TGFBI: variants seen among roughly 807,000 people sequenced by gnomAD.
TGFBI encodes transforming growth factor beta induced, also known as transforming growth factor-beta-induced protein ig-h3.
A neutral mutation model predicts 73.7 loss-of-function variants in TGFBI; 50 were observed. The ratio of observed to expected loss-of-function variants is 0.68; its 90% confidence interval spans 0.54 to 0.86. TGFBI has a LOEUF of 0.86. Among genes scored for constraint, TGFBI ranks in the 40% least tolerant of loss-of-function variants. TGFBI has a pLI of 0.00. For synonymous variants in TGFBI, 362 were observed against 360.5 expected (o/e 1.00, Z -0.05); for missense variants, 839 against 877.0 (o/e 0.96, Z 0.55).
chr5:136,029,224 G>A (rs1270157765), intron 1 of TGFBI, 35 bp downstream of exon 1: 4 of 1,439,034 alleles, frequency 2.8e-6, no homozygotes, highest in Non-Finnish European at 3.6e-6. Context: ...GCTGCGGAAG[G>A]TCAGGTAGTC....
intron 14 of TGFBI, 135 bp from the exon 15 acceptor site, chr5:136,061,365 A>G: frequency 1.4e-6 from 1 of 700,372 alleles, no homozygotes; most frequent in South Asian, 1.7e-5. Context: ...ACCATGAGTT[A>G]TGAAACATTA....
rs1171058909 is a variant in TGFBI at position 136,059,539 on chromosome 5, T to C, written c.1803+325T>C. On this transcript the variant is annotated intron_variant, in intron 13 of 16. Transcript: ENST00000442011. ...TGTGACTGAAGAGATCAGTCTGTAC[T>C]CACACCATCCCACCCCCCAAACCCA... Among the ~76,000 whole-genome samples, 3 of 152,132 alleles carry C rather than the reference T, an allele frequency of 2.0e-5. No homozygotes were observed. The East Asian group carries it at 5.8e-4, about 29-fold the overall frequency.
rs1453829338 is a variant in TGFBI at position 136,063,695 on chromosome 5, A to G, written c.*469A>G. 2.4e-5 allele frequency: 4 copies of G among 168,694 alleles called. No individual in the cohort carries two copies. The highest frequency in any genetic ancestry group is 9.6e-5 in the African/African-American group (4 of 41,750). 10.4% of individuals were successfully genotyped at this position (168,694 alleles called of 1,614,324 possible). ...GTTCTGTCAAATGTGTCTCACATCT[A>G]CACGTGGCTTGGAGGCTTTTATGGG... On this transcript the variant is annotated 3_prime_UTR_variant, in exon 17 of 17. Transcript: ENST00000442011.
At position 136,061,014 on chromosome 5, in the gene TGFBI, T is replaced by C. The variant is rs919387643; in HGVS notation, c.1906+78T>C. The C allele has an allele frequency of 5.8e-6, 6 of 1,036,140 alleles. No homozygotes were observed. The African/African-American group carries it at 6.4e-5, about 11-fold the overall frequency. 64.2% of individuals were successfully genotyped at this position (1,036,140 alleles called of 1,614,324 possible). ...AGTTGGTGGAGAGAAGAAAAACTGT[T>C]CTAAACAATGATGAGAATAACATGT... On this transcript the variant is annotated intron_variant, in intron 14 of 16. Coordinates refer to ENST00000442011, the MANE Select transcript of TGFBI (RefSeq NM_000358.3).
At chr5:136,050,589 C>G (rs1361821289) in intron 7 of TGFBI, among the ~76,000 whole-genome samples, 1 of 152,210 alleles carries the variant, frequency 6.6e-6, no homozygotes, top group East Asian at 1.9e-4. Context: ...CTGCCTGAGT[C>G]CCCTGAAATG....
rs756553711 is a variant in TGFBI, at chr5:136,049,587, A to C, written c.913+7A>C. On this transcript the variant is annotated splice_region_variant and intron_variant, in intron 7 of 16. Coordinates refer to ENST00000442011, the MANE Select transcript of TGFBI (RefSeq NM_000358.3). ...GACCCAGAAGCCCTGAGAGGTGAGC[A>C]TCCTTTGGCTCCTGCTGCTGCCTCA... is the stretch of plus-strand genomic sequence containing the variant. 3.1e-6 allele frequency: 5 copies of C among 1,612,246 alleles called. No individual in the cohort carries two copies. In the Admixed American group the frequency reaches 6.7e-5, roughly 22 times the overall value.
intron 12 of TGFBI, chr5:136,058,821 C>A (rs867873137): frequency 6.2e-6 from 2 of 322,902 alleles, no homozygotes; most frequent in Admixed American, 4.4e-5. Flanking sequence ...GGGAGCCCAG[C>A]ATCCCAGACA....
At chr5:136,037,539 C>T (rs1490888724) in intron 2 of TGFBI, among the ~76,000 whole-genome samples, 1 of 152,178 alleles carries the variant, frequency 6.6e-6, no homozygotes, top group Non-Finnish European at 1.5e-5. Context: ...CTGGAATAGT[C>T]ATAGCAGGAG....
intron 2 of TGFBI, among the ~76,000 whole-genome samples, chr5:136,036,736 G>A (rs967337291): frequency 6.6e-6 from 1 of 152,300 alleles, no homozygotes; most frequent in East Asian, 1.9e-4. Context: ...AGCAGACTGG[G>A]AAATGGGAGC....
At position 136,055,831 on chromosome 5, in the gene TGFBI, C is replaced by G. The variant is rs1324647486; in HGVS notation, c.1547+15C>G. 1.3e-6 allele frequency: 2 copies of G among 1,590,318 alleles called. No homozygotes were observed. Among genetic ancestry groups the G allele is most frequent in the Non-Finnish European group, 1.7e-6 (2 of 1,163,416 alleles). ...AATCGCTTTAGGTAATTAGTTCCAT[C>G]CCCGGGTGGAGCTTCTGCCCAGTGG... is the stretch of plus-strand genomic sequence containing the variant. On this transcript the variant is annotated intron_variant, in intron 11 of 16. Transcript: ENST00000442011.
intron 16 of TGFBI, among the ~76,000 whole-genome samples, chr5:136,062,906 G>C (rs2126918826): frequency 6.6e-6 from 1 of 152,350 alleles, no homozygotes. Flanking sequence ...CAACCTTTTA[G>C]GGTTAAGGTG....
At chr5:136,045,072 A>G (rs1471285247) in intron 3 of TGFBI, among the ~76,000 whole-genome samples, 1 of 152,192 alleles carries the variant, frequency 6.6e-6, no homozygotes, top group East Asian at 1.9e-4. Flanking sequence ...GAACCCACAG[A>G]TACGAAGGGC....
chr5:136,047,146 C>A, intron 5 of TGFBI, 128 bp from the exon 6 acceptor site: 1 of 1,521,556 alleles, frequency 6.6e-7, no homozygotes, highest in Admixed American at 1.9e-5. Context: ...CTCCTTGGGC[C>A]CTCTATTCCA....
intron 2 of TGFBI, among the ~76,000 whole-genome samples, chr5:136,039,916 G>A (rs739867): frequency 0.28 from 43,260 of 152,120 alleles, 6,254 homozygotes; most frequent in South Asian, 0.37. Context: ...ATGTCTAGAC[G>A]TTATGGGTCT....
intron 3 of TGFBI, 200 bp from the exon 4 acceptor site, chr5:136,046,135 A>G (rs1751421938): frequency 1.9e-6 from 1 of 525,120 alleles, no homozygotes; most frequent in Non-Finnish European, 3.3e-6. Flanking sequence ...TCACGTAGAC[A>G]GGCATTTGAC....
chr5:136,052,170 C>G (rs552649626), intron 7 of TGFBI, among the ~76,000 whole-genome samples: 23 of 152,352 alleles, frequency 1.5e-4, no homozygotes, highest in African/African-American at 5.3e-4. Context: ...CACGATGGGT[C>G]AGGAGCCCCC....
intron 12 of TGFBI, among the ~76,000 whole-genome samples, chr5:136,058,015 C>A (rs1201831948): frequency 1.3e-5 from 2 of 152,098 alleles, no homozygotes; most frequent in African/African-American, 4.8e-5. Context: ...CACCCTCCCC[C>A]AGGCCTGAGG....
chr5:136,043,307 G>A (rs1215036693), intron 2 of TGFBI, among the ~76,000 whole-genome samples: 23 of 152,140 alleles, frequency 1.5e-4, no homozygotes. Flanking sequence ...CGTTAAAGCT[G>A]TGTATTTCAG....
Position 136,049,606 on chromosome 5 carries a change from T to C in TGFBI, c.913+26T>C, listed in dbSNP as rs768939249. On this transcript the variant is annotated intron_variant, in intron 7 of 16. Transcript: ENST00000442011. Reference sequence around the variant, plus strand: ...GTGAGCATCCTTTGGCTCCTGCTGCTGCCTCATTTGTGCAGCTAGATTGAG... The same window carrying C: ...GTGAGCATCCTTTGGCTCCTGCTGCCGCCTCATTTGTGCAGCTAGATTGAG... 15 of 1,605,960 alleles carry C rather than the reference T, an allele frequency of 9.3e-6. 1 individual carries two copies. In the South Asian group the frequency reaches 1.3e-4, roughly 14 times the overall value.
Sources: gnomAD v4.1 joint callset for allele counts (sites outside exome capture counted in the v4.1 genomes callset) on GRCh38, gnomAD v4.1.1 for gene constraint, MANE v1.5 for transcripts, NCBI Gene and HGNC (gene_info 2026-07-23, HGNC 2026-07-21) for gene names.